Variants in CCDC47 observed in about 807,000 individuals in gnomAD.
CCDC47 encodes the protein PAT complex subunit CCDC47.
A neutral mutation model predicts 60.5 loss-of-function variants in CCDC47; 41 were observed. The observed-to-expected ratio is 0.68, with a 90% CI of 0.53 to 0.88. The LOEUF (loss-of-function observed/expected upper bound fraction) is 0.88. CCDC47 is among the 40% of genes least tolerant of loss of function. The probability of loss-of-function intolerance (pLI) is 0.00; values close to 1 mark genes in which losing one functional copy is unlikely to be tolerated. For missense variants in CCDC47, 513 were observed against 580.9 expected (o/e 0.88, Z 1.20); for synonymous variants, 195 against 190.7 (o/e 1.02, Z -0.18).
At chr17:63,764,921 T>A in intron 2 of CCDC47, 74 bp from the exon 3 acceptor site, 1 of 1,550,124 alleles carries the variant, frequency 6.5e-7, no homozygotes. Context: ...GTTGGCAACA[T>A]TTGTTGGGGA....
At chr17:63,755,806 C>T (rs778324014) in intron 8 of CCDC47, among the ~76,000 whole-genome samples, 7 of 151,604 alleles carry the variant, frequency 4.6e-5, no homozygotes, top group Non-Finnish European at 7.4e-5. Flanking sequence ...TGAGATCTAT[C>T]ACACACATGA....
chr17:63,761,124 T>C (rs1057027078), intron 5 of CCDC47, 106 bp downstream of exon 5: 4 of 1,486,008 alleles, frequency 2.7e-6, no homozygotes, highest in Non-Finnish European at 3.7e-6. Flanking sequence ...TTAGACCTCA[T>C]TTTAAGTCAA....
At chr17:63,768,141 A>G (rs1294731237) in intron 1 of CCDC47, among the ~76,000 whole-genome samples, 1 of 152,230 alleles carries the variant, frequency 6.6e-6, no homozygotes, top group Non-Finnish European at 1.5e-5. Context: ...CAATTATTGC[A>G]AAGTAATATA....
intron 6 of CCDC47, 51 bp from the exon 7 acceptor site, chr17:63,756,621 T>G: frequency 7.9e-7 from 1 of 1,266,112 alleles, no homozygotes; most frequent in East Asian, 2.4e-5. Context: ...GGTTCTGTGA[T>G]AGGCAGATTT....
chr17:63,760,062 C>CAAAAAAAAAAAAAA (rs10643408), intron 6 of CCDC47, among the ~76,000 whole-genome samples: 6 of 98,426 alleles, frequency 6.1e-5, no homozygotes, highest in African/African-American at 1.2e-4. Flanking sequence ...GACTCCGTCT[C>CAAAAAAAAAAAAAA]AAAAAAAAAA....
At position 63,760,991 on chromosome 17, in the gene CCDC47, G is replaced by A; in HGVS notation, c.670-12C>T. ...TGTCTCTTGAGGAACTGAAAAAAAT[G>A]AGAGAAGTAAGTAAATCCAACTGCA... is the stretch of plus-strand genomic sequence containing the variant. On this transcript the variant is annotated splice_polypyrimidine_tract_variant and intron_variant, in intron 5 of 12. Transcript: ENST00000225726. The A allele has an allele frequency of 6.2e-7, 1 of 1,610,904 alleles. No homozygotes were observed. Among genetic ancestry groups the A allele is most frequent in the African/African-American group, 1.3e-5 (1 of 74,860 alleles).
chr17:63,759,695 C>A (rs1288144316), intron 6 of CCDC47, among the ~76,000 whole-genome samples: 3 of 149,790 alleles, frequency 2.0e-5, no homozygotes, highest in African/African-American at 7.3e-5. Flanking sequence ...ATCTCTTGTT[C>A]TATTATAGAA....
At chr17:63,762,603 T>G (rs1342637387) in intron 4 of CCDC47, among the ~76,000 whole-genome samples, 1 of 152,224 alleles carries the variant, frequency 6.6e-6, no homozygotes, top group Non-Finnish European at 1.5e-5. Flanking sequence ...AGGTGCTAAA[T>G]GCCAAATAGG....
intron 1 of CCDC47, among the ~76,000 whole-genome samples, chr17:63,770,971 G>A (rs1393988405): frequency 1.6e-5 from 2 of 128,876 alleles, no homozygotes; most frequent in African/African-American, 3.1e-5. Flanking sequence ...CTGGGTGACA[G>A]AGCGAGACTG....
chr17:63,746,945 C>T lies in CCDC47; in HGVS notation c.1388G>A (p.Arg463His), dbSNP rs997707608. 2.2e-5 allele frequency: 36 copies of T among 1,613,312 alleles called. No homozygotes were observed. The highest frequency in any genetic ancestry group is 2.9e-5 in the Non-Finnish European group (34 of 1,179,720). ...CTTCTTTTCCAACTTCTTTTGCTCA[C>T]GCCTCAATGCAGCCTCCTAGAGAAA... ...QRRLEEAALRREQKKLEKKQM... is the reference protein window; with the variant it reads ...QRRLEEAALRHEQKKLEKKQM... Residue 463 changes from arginine (R) to histidine (H), a missense_variant, in exon 13 of 13, where the codon CGT becomes CAT. Coordinates refer to ENST00000225726, the MANE Select transcript of CCDC47 (RefSeq NM_020198.3).
chr17:63,757,523 A>G (rs1462922686), intron 6 of CCDC47, among the ~76,000 whole-genome samples: 1 of 152,160 alleles, frequency 6.6e-6, no homozygotes, highest in Non-Finnish European at 1.5e-5. Context: ...TTAAAACCCT[A>G]GAGGACCCAC....
In CCDC47 at chr17:63,751,365, CAAAAAAAAAAAAAAAAAAAAA is replaced by C. The variant is rs59161342; in HGVS notation, c.1371+554_1371+574del. 3.8e-3 allele frequency among the ~76,000 whole-genome samples: 113 copies of C among 29,510 alleles called. No homozygotes were observed. In the Middle Eastern group the frequency reaches 0.16, roughly 41 times the overall value. The allele number at this position is 29,510 out of a possible 152,430, so 19.4% of individuals were successfully genotyped here. A position where few individuals can be genotyped will look rare whatever the true frequency, so the allele number is the denominator to read the frequency against. ...TGGGTGACAGAGTGAGACTCCATCT[CAAAAAAAAAAAAAAAAAAAAA>C]AAAAAAAAAAAAAAAAAATTTAGAG... On this transcript the variant is annotated intron_variant, in intron 12 of 12. Transcript: ENST00000225726.
chr17:63,756,090 G>T, intron 8 of CCDC47, 150 bp downstream of exon 8: 1 of 604,758 alleles, frequency 1.7e-6, no homozygotes, highest in South Asian at 1.9e-5. Context: ...CTAATTTATT[G>T]CTTAAAGAAG....
rs1285670409 is a variant in CCDC47, at chr17:63,764,206, C to A, written c.373-16G>T. ...GTGCAGGAACCTAAAAAAGCAAAAT[C>A]ATTCCATTAAATGTTGGCTGAGACT... On this transcript the variant is annotated splice_polypyrimidine_tract_variant and intron_variant, in intron 3 of 12. Transcript: ENST00000225726. 2 of 1,567,894 alleles carry A rather than the reference C, an allele frequency of 1.3e-6. No homozygotes were observed. The highest frequency in any genetic ancestry group is 2.0e-5 in the Admixed American group (1 of 49,994).
chr17:63,766,789 T>C (rs2039301183), intron 1 of CCDC47: 1 of 963,412 alleles, frequency 1.0e-6, no homozygotes, highest in Non-Finnish European at 1.2e-6. Flanking sequence ...GAGTATTCAA[T>C]AAGCATTTTT....
At chr17:63,747,505 CAT>C (rs2039129833) in intron 12 of CCDC47, 1 of 978,564 alleles carries the variant, frequency 1.0e-6, no homozygotes, top group Non-Finnish European at 1.2e-6. Flanking sequence ...TCAAATTTAT[CAT>C]ATTTTTATTT....
At chr17:63,752,955 C>G (rs975995267) in intron 9 of CCDC47, 156 bp from the exon 10 acceptor site, 3 of 982,198 alleles carry the variant, frequency 3.1e-6, no homozygotes, top group Non-Finnish European at 1.2e-6. Flanking sequence ...AGGAGCTTTA[C>G]AGGTCATCTG....
chr17:63,758,191 G>A (rs1425438361), intron 6 of CCDC47, among the ~76,000 whole-genome samples: 1 of 152,184 alleles, frequency 6.6e-6, no homozygotes, highest in African/African-American at 2.4e-5. Flanking sequence ...CAAGTTCTAT[G>A]AGCCATTCTA....
At chr17:63,749,396 A>G (rs2039145120) in intron 12 of CCDC47, among the ~76,000 whole-genome samples, 1 of 148,650 alleles carries the variant, frequency 6.7e-6, no homozygotes, top group Non-Finnish European at 1.5e-5. Flanking sequence ...CTATGTCTCA[A>G]ACAAAACAAA....
Sources: allele counts gnomAD v4.1 joint callset (sites outside exome capture counted in the v4.1 genomes callset), GRCh38; gene constraint gnomAD v4.1.1; transcripts MANE v1.5; gene names NCBI Gene and HGNC (gene_info 2026-07-23, HGNC 2026-07-21).